The following PPIL4 variants were observed in gnomAD, a reference collection of about 807,000 sequenced individuals.
The protein encoded by PPIL4 is peptidyl-prolyl cis-trans isomerase-like 4.
A neutral mutation model predicts 69.1 loss-of-function variants in PPIL4; 50 were observed. The observed-to-expected ratio is 0.72, with a 90% confidence interval of 0.58 to 0.92. The LOEUF (loss-of-function observed/expected upper bound fraction) is 0.92, where lower values mean the gene tolerates loss of function less well. Among genes scored for constraint, PPIL4 ranks in the 40% least tolerant of loss-of-function variants. The pLI is 0.00. For synonymous variants in PPIL4, 193 were observed against 191.6 expected (o/e 1.01, Z -0.06); for missense variants, 480 against 587.9 (o/e 0.82, Z 1.90).
intron 4 of PPIL4, among the ~76,000 whole-genome samples, chr6:149,536,738 C>CA (rs750303522): frequency 0.32 from 32,470 of 101,940 alleles, 5,080 homozygotes; most frequent in East Asian, 0.79. Context: ...TACTCCATCT[C>CA]AAAAAAAAAA....
chr6:149,521,252 T>C (rs1482971231), intron 9 of PPIL4, 81 bp from the exon 10 acceptor site: 6 of 852,630 alleles, frequency 7.0e-6, no homozygotes, highest in Non-Finnish European at 9.6e-6. Flanking sequence ...TACAAAAAGT[T>C]TGTTGTTACA....
rs1361051275 is a variant in PPIL4, at chr6:149,513,071, G to T, written c.1080-769C>A. Among the ~76,000 whole-genome samples, 3 of 146,392 alleles carry T rather than the reference G, an allele frequency of 2.0e-5. No individual in the cohort carries two copies. In the East Asian group the frequency reaches 6.4e-4, roughly 31 times the overall value. ...TGTTTAAATTCTAATAAGAATTTATGAATACAGTTAAATGAACAAAAATAT... is the reference window on the plus strand; with the variant it reads ...TGTTTAAATTCTAATAAGAATTTATTAATACAGTTAAATGAACAAAAATAT... On this transcript the variant is annotated intron_variant, in intron 11 of 12. Transcript: ENST00000253329.
chr6:149,530,802 T>C (rs879679183), intron 7 of PPIL4, among the ~76,000 whole-genome samples: 1 of 152,146 alleles, frequency 6.6e-6, no homozygotes, highest in Non-Finnish European at 1.5e-5. Flanking sequence ...CAGTCAGGAA[T>C]CATGAATGGC....
chr6:149,545,644 C>A (rs3813675), intron 1 of PPIL4, among the ~76,000 whole-genome samples: 29,651 of 151,912 alleles, frequency 0.2, 4,396 homozygotes, highest in East Asian at 0.77. Flanking sequence ...CAGCTCGAAT[C>A]ACACACACAC....
chr6:149,535,075 A>C (rs1777254444), intron 5 of PPIL4, among the ~76,000 whole-genome samples: 1 of 152,188 alleles, frequency 6.6e-6, no homozygotes, highest in Admixed American at 6.5e-5. Flanking sequence ...CAATTCCTCC[A>C]GCTGGGTGCA....
At chr6:149,541,340 A>T (rs1325784760) in intron 3 of PPIL4, 27 bp downstream of exon 3, 1 of 977,152 alleles carries the variant, frequency 1.0e-6, no homozygotes, top group Admixed American at 3.3e-5. Context: ...TAAATAAATA[A>T]ATAAATAAAT....
intron 12 of PPIL4, 105 bp downstream of exon 12, chr6:149,512,050 C>T: frequency 1.1e-6 from 1 of 883,626 alleles, no homozygotes; most frequent in Admixed American, 2.8e-5. Flanking sequence ...AAACCCATCT[C>T]TGCTTAGAAC....
At chr6:149,513,169 C>T (rs189225323) in intron 11 of PPIL4, among the ~76,000 whole-genome samples, 43 of 147,716 alleles carry the variant, frequency 2.9e-4, no homozygotes, top group African/African-American at 8.8e-4. Context: ...GCGACTCACT[C>T]GAGGCCAGGA....
chr6:149,512,672 TTGTA>T (rs1197556707), intron 11 of PPIL4, among the ~76,000 whole-genome samples: 1 of 152,142 alleles, frequency 6.6e-6, no homozygotes, highest in Non-Finnish European at 1.5e-5. Context: ...ACAGGTACAT[TTGTA>T]TGTCTCTTCT....
intron 1 of PPIL4, among the ~76,000 whole-genome samples, chr6:149,545,058 G>A (rs1227498716): frequency 1.3e-5 from 2 of 152,102 alleles, no homozygotes; most frequent in Admixed American, 6.6e-5. Context: ...ATCATCAGTA[G>A]GGCACACAAG....
Position 149,505,637 on chromosome 6 carries a change from C to G in PPIL4, c.1295G>C (p.Ser432Thr). ...GTTCTGAGTTCGGTCTCTCTTTTCA[C>G]TCTTTTGTTTCTCCCAACAGCTTTC... ...EEESCWEKQK[S>T]EKRDRTQNRS... is the part of the protein sequence containing the mutation. The change falls in exon 13 of 13, where the codon AGT (serine) becomes ACT (threonine). Residue 432 changes from serine (S) to threonine (T), a missense_variant. Transcript: ENST00000253329. The G allele has an allele frequency of 6.2e-7, 1 of 1,614,134 alleles. No individual in the cohort carries two copies. Among genetic ancestry groups the G allele is most frequent in the Non-Finnish European group, 8.5e-7 (1 of 1,180,000 alleles).
At chr6:149,527,684 T>G (rs1338772357) in intron 7 of PPIL4, among the ~76,000 whole-genome samples, 2 of 152,148 alleles carry the variant, frequency 1.3e-5, no homozygotes, top group African/African-American at 4.8e-5. Flanking sequence ...GCTTTTTGGT[T>G]TTCCTTTTTC....
intron 11 of PPIL4, among the ~76,000 whole-genome samples, chr6:149,513,404 A>AT (rs1173945400): frequency 9.4e-6 from 1 of 106,770 alleles, no homozygotes; most frequent in Non-Finnish European, 1.9e-5. Flanking sequence ...AAAAAAAAAA[A>AT]AAAAAAAAAT....
At chr6:149,505,775 AACTT>A in intron 12 of PPIL4, 71 bp from the exon 13 acceptor site, 1 of 1,450,854 alleles carries the variant, frequency 6.9e-7, no homozygotes, top group Admixed American at 2.0e-5. Context: ...CAATTAATAA[AACTT>A]AGAAAAGTCT....
At chr6:149,538,308 C>T (rs1053795922) in intron 4 of PPIL4, among the ~76,000 whole-genome samples, 2 of 151,910 alleles carry the variant, frequency 1.3e-5, no homozygotes, top group African/African-American at 4.8e-5. Context: ...ACATAACAGT[C>T]ATTCTGCAGC....
intron 1 of PPIL4, 60 bp downstream of exon 1, chr6:149,545,876 G>GGAAA: frequency 6.8e-7 from 1 of 1,471,560 alleles, no homozygotes; most frequent in South Asian, 1.2e-5. Context: ...CGCAGAGAAG[G>GGAAA]GAAAGTAGGG....
rs566294499 is a variant in PPIL4, at chr6:149,505,188, TA to T, written c.*264del. On this transcript the variant is annotated 3_prime_UTR_variant, in exon 13 of 13. Coordinates refer to ENST00000253329, the MANE Select transcript of PPIL4 (RefSeq NM_139126.4). ...ATTTTTGTAGTATGAAATACTTCAT[TA>T]AAAAAAGAGTGAAAATGTAAGACTT... is the stretch of plus-strand genomic sequence containing the variant. The T allele has an allele frequency of 3.4e-5, 11 of 326,372 alleles. No homozygotes were observed. Among genetic ancestry groups the T allele is most frequent in the Middle Eastern group, 9.5e-4 (1 of 1,058 alleles). 20.2% of individuals were successfully genotyped at this position (326,372 alleles called of 1,614,324 possible).
chr6:149,536,123 G>A (rs1483296978), intron 4 of PPIL4, among the ~76,000 whole-genome samples: 6 of 152,072 alleles, frequency 3.9e-5, no homozygotes, highest in Non-Finnish European at 5.9e-5. Context: ...TCTTACTACC[G>A]CAATTGTTTT....
chr6:149,542,462 C>G (rs1014585565), intron 1 of PPIL4, among the ~76,000 whole-genome samples: 4 of 152,158 alleles, frequency 2.6e-5, no homozygotes, highest in African/African-American at 9.7e-5. Context: ...AGTTCACAGT[C>G]TAGTCGTGGA....
Sources: allele counts gnomAD v4.1 joint callset (sites outside exome capture counted in the v4.1 genomes callset), GRCh38; gene constraint gnomAD v4.1.1; transcripts MANE v1.5; gene names NCBI Gene and HGNC (gene_info 2026-07-23, HGNC 2026-07-21).